Variants in GOT1 observed in about 807,000 individuals in gnomAD.
The protein encoded by GOT1 is glutamic-oxaloacetic transaminase 1, also known as aspartate aminotransferase, cytoplasmic.
A neutral mutation model predicts 48.2 loss-of-function variants in GOT1; 25 were observed. That is an observed-to-expected ratio of 0.52 (90% CI 0.38 to 0.72). GOT1 has a LOEUF of 0.72. GOT1 is among the 30% of genes least tolerant of loss of function. The pLI is 0.00. For synonymous variants in GOT1, 188 were observed against 193.8 expected (o/e 0.97, Z 0.25); for missense variants, 380 against 520.1 (o/e 0.73, Z 2.62).
chr10:99,425,704 G>C (rs921956239), intron 1 of GOT1, among the ~76,000 whole-genome samples: 2 of 152,172 alleles, frequency 1.3e-5, no homozygotes. Context: ...TGGATAATGA[G>C]TGGATGGTGG....
chr10:99,397,415 G>T lies in GOT1; in HGVS notation c.*132C>A. 1 of 936,860 alleles carries T rather than the reference G, an allele frequency of 1.1e-6. No homozygotes were observed. The highest frequency in any genetic ancestry group is 1.7e-6 in the Non-Finnish European group (1 of 591,988). The allele number at this position is 936,860 out of a possible 1,614,324, so 58.0% of individuals were successfully genotyped here. ...TTCATGTGGGGCCGGTTTAAACAGA[G>T]GCTGCCTCACCAGAGCAGCCTTTCA... On this transcript the variant is annotated 3_prime_UTR_variant, in exon 9 of 9. Transcript: ENST00000370508. The surrounding 1 kb of genome is among the most constrained non-coding windows in gnomAD (Gnocchi z 5.4).
chr10:99,413,394 A>C (rs1202163256), intron 2 of GOT1, among the ~76,000 whole-genome samples: 1 of 152,252 alleles, frequency 6.6e-6, no homozygotes. Flanking sequence ...TAGAGAAAAA[A>C]GAATAAAAAG....
At chr10:99,400,912 G>C (rs2032666278) in intron 8 of GOT1, among the ~76,000 whole-genome samples, 1 of 152,142 alleles carries the variant, frequency 6.6e-6, no homozygotes, top group South Asian at 2.1e-4. Flanking sequence ...CTGCACTCCA[G>C]CCTGAGCAAC....
chr10:99,427,257 TTTTA>T (rs567523650), intron 1 of GOT1, among the ~76,000 whole-genome samples: 8 of 152,092 alleles, frequency 5.3e-5, no homozygotes, highest in Middle Eastern at 3.4e-3. Context: ...GTAGAATCTT[TTTTA>T]TTTATTTATT....
intron 7 of GOT1, among the ~76,000 whole-genome samples, chr10:99,402,928 G>A (rs558965820): frequency 6.6e-6 from 1 of 152,328 alleles, no homozygotes; most frequent in Admixed American, 6.5e-5. Flanking sequence ...ATTTACTAGT[G>A]AGTCTAGTGC....
At chr10:99,406,100 C>T in intron 4 of GOT1, 37 bp downstream of exon 4, 3 of 1,354,964 alleles carry the variant, frequency 2.2e-6, no homozygotes, top group Non-Finnish European at 3.2e-6. Context: ...ATTCCTGACA[C>T]CATGCAATTC....
At chr10:99,427,560 T>TGC (rs1564975980) in intron 1 of GOT1, among the ~76,000 whole-genome samples, 15 of 152,312 alleles carry the variant, frequency 9.8e-5, no homozygotes, top group African/African-American at 3.6e-4. Flanking sequence ...TGAGCCACCA[T>TGC]GCCTGGCCCA....
chr10:99,398,894 T>G (rs1014469357), intron 8 of GOT1, among the ~76,000 whole-genome samples: 9 of 152,138 alleles, frequency 5.9e-5, no homozygotes, highest in African/African-American at 2.2e-4. Flanking sequence ...CTTCCGAGAT[T>G]GCACAGCTGG....
chr10:99,425,516 T>G (rs1365598869), intron 1 of GOT1, among the ~76,000 whole-genome samples: 2 of 152,306 alleles, frequency 1.3e-5, no homozygotes, highest in Admixed American at 1.3e-4. Flanking sequence ...AGAAAGCTAC[T>G]GCAATATTCC....
At chr10:99,404,065 G>A (rs538331994) in intron 5 of GOT1, among the ~76,000 whole-genome samples, 191 bp from the exon 6 acceptor site, 7 of 152,210 alleles carry the variant, frequency 4.6e-5, no homozygotes, top group South Asian at 4.1e-4. Context: ...AACCTTTTCC[G>A]TAAACTTTAC....
intron 2 of GOT1, among the ~76,000 whole-genome samples, chr10:99,415,845 T>C (rs2032887814): frequency 6.6e-6 from 1 of 152,106 alleles, no homozygotes; most frequent in Non-Finnish European, 1.5e-5. Context: ...AAAAACCACA[T>C]GATTATCTCA....
chr10:99,422,432 T>A (rs2032982692), intron 1 of GOT1, among the ~76,000 whole-genome samples: 1 of 152,132 alleles, frequency 6.6e-6, no homozygotes. Context: ...AGTATGAAAA[T>A]TTTGGTGTAC....
chr10:99,398,020 A>G (rs566181393), intron 8 of GOT1, among the ~76,000 whole-genome samples: 1 of 152,316 alleles, frequency 6.6e-6, no homozygotes, highest in East Asian at 1.9e-4. Context: ...ACGGACAGCG[A>G]TATGAAATGC....
In GOT1 at chr10:99,410,762, A is replaced by G. The variant is rs79162286; in HGVS notation, c.301-3913T>C. Among the ~76,000 whole-genome samples, 351 of 152,352 alleles carry G rather than the reference A, an allele frequency of 2.3e-3. 17 individuals are homozygous for G. In the East Asian group the frequency reaches 0.059, roughly 25 times the overall value. On this transcript the variant is annotated intron_variant, in intron 2 of 8. Coordinates refer to ENST00000370508, the MANE Select transcript of GOT1 (RefSeq NM_002079.3). Reference sequence around the variant, plus strand: ...TTTTTGGCAAATTGTCCTACAGCCTAAGAATGTCCTGTACTTGTTATAAAG... The same window carrying G: ...TTTTTGGCAAATTGTCCTACAGCCTGAGAATGTCCTGTACTTGTTATAAAG...
chr10:99,402,861 G>T, intron 7 of GOT1, 139 bp from the exon 8 acceptor site: 1 of 678,862 alleles, frequency 1.5e-6, no homozygotes, highest in Non-Finnish European at 2.6e-6. Context: ...TGGATGTCTG[G>T]ATGGGTGGAT....
chr10:99,403,125 C>T (rs1382927240), intron 7 of GOT1, among the ~76,000 whole-genome samples: 5 of 152,180 alleles, frequency 3.3e-5, no homozygotes, highest in Non-Finnish European at 5.9e-5. Context: ...CAGATAAAAA[C>T]CAAGAGCTCC....
chr10:99,399,163 G>A (rs1244748582), intron 8 of GOT1, among the ~76,000 whole-genome samples: 1 of 152,170 alleles, frequency 6.6e-6, no homozygotes, highest in African/African-American at 2.4e-5. Flanking sequence ...AAATCTGCAT[G>A]GCTGCAGCTA....
chr10:99,422,685 T>C (rs903470199), intron 1 of GOT1, among the ~76,000 whole-genome samples: 1 of 152,218 alleles, frequency 6.6e-6, no homozygotes, highest in African/African-American at 2.4e-5. Flanking sequence ...ATATCCTTCC[T>C]GCATTTCCCT....
chr10:99,406,318 G>T (rs1414047205), intron 3 of GOT1, 69 bp from the exon 4 acceptor site: 3 of 1,143,494 alleles, frequency 2.6e-6, no homozygotes, highest in Non-Finnish European at 4.0e-6. Flanking sequence ...AAGGATGCAA[G>T]TCAGCTTCCA....
Sources: allele counts gnomAD v4.1 joint callset (sites outside exome capture counted in the v4.1 genomes callset), GRCh38; gene constraint gnomAD v4.1.1; non-coding constraint Gnocchi (gnomAD v3.1); transcripts MANE v1.5; gene names NCBI Gene and HGNC (gene_info 2026-07-23, HGNC 2026-07-21).